The following ARHGAP24 variants were observed in gnomAD, a reference collection of about 807,000 sequenced individuals.
The protein encoded by ARHGAP24 is Rho GTPase activating protein 24, also known as rho GTPase-activating protein 24.
A neutral mutation model predicts 76.4 loss-of-function variants in ARHGAP24; 50 were observed. The ratio of observed to expected loss-of-function variants is 0.65; its 90% CI spans 0.52 to 0.83. The LOEUF (loss-of-function observed/expected upper bound fraction) is 0.83, where lower values mean the gene tolerates loss of function less well. ARHGAP24 is among the 40% of genes least tolerant of loss of function. The pLI, the probability that ARHGAP24 is intolerant of heterozygous loss-of-function variation, is 0.00. For synonymous variants in ARHGAP24, 345 were observed against 323.3 expected (o/e 1.07, Z -0.72); for missense variants, 930 against 914.2 (o/e 1.02, Z -0.22).
intron 2 of ARHGAP24, among the ~76,000 whole-genome samples, chr4:85,680,350 T>C (rs1723160693): frequency 6.6e-6 from 1 of 152,202 alleles, no homozygotes; most frequent in African/African-American, 2.4e-5. Context: ...ACCCAATGCA[T>C]AGTCAACCTT....
chr4:85,939,427 T>G (rs1362172128), intron 4 of ARHGAP24, among the ~76,000 whole-genome samples: 1 of 152,188 alleles, frequency 6.6e-6, no homozygotes, highest in Non-Finnish European at 1.5e-5. Context: ...GCTCTGTAAC[T>G]AACCTCAGAC....
chr4:85,771,009 T>C (rs1418970921), intron 3 of ARHGAP24, among the ~76,000 whole-genome samples: 1 of 152,238 alleles, frequency 6.6e-6, no homozygotes, highest in African/African-American at 2.4e-5. Context: ...TTTTAAATAA[T>C]CAAAATAGCT....
intron 1 of ARHGAP24, among the ~76,000 whole-genome samples, chr4:85,489,923 G>A (rs1271280028): frequency 2.6e-5 from 4 of 152,208 alleles, no homozygotes; most frequent in South Asian, 2.1e-4. Context: ...TTGATGTAAC[G>A]AAGATTTTCT....
Position 85,570,606 on chromosome 4 carries a change from AGTGTGGGT to A in ARHGAP24, c.67_74del (p.Cys23AlafsTer29). ...GGCCAAGGGCGGCAGAATGCCATCA[AGTGTGGGT>A]GGCTGAGGAAGCAAGGAGGCTTTGT... On this transcript the variant is annotated frameshift_variant, in exon 2 of 10. Coordinates refer to ENST00000395184, the MANE Select transcript of ARHGAP24 (RefSeq NM_001025616.3). LOFTEE classifies it high-confidence loss of function. 6.2e-7 allele frequency: 1 copy of A among 1,614,098 alleles called. No homozygotes were observed. Among genetic ancestry groups the A allele is most frequent in the Non-Finnish European group, 8.5e-7 (1 of 1,180,018 alleles).
chr4:85,909,995 G>A (rs924369328), intron 3 of ARHGAP24, among the ~76,000 whole-genome samples: 2 of 152,174 alleles, frequency 1.3e-5, no homozygotes, highest in Non-Finnish European at 2.9e-5. Context: ...CGCCTGCCAA[G>A]GGAGAGTCAG....
intron 2 of ARHGAP24, among the ~76,000 whole-genome samples, chr4:85,645,321 T>A (rs994203843): frequency 4.6e-5 from 7 of 152,142 alleles, no homozygotes; most frequent in African/African-American, 1.7e-4. Context: ...AACTTAATCA[T>A]GGTGGTTTGG....
intron 2 of ARHGAP24, among the ~76,000 whole-genome samples, chr4:85,631,337 A>T (rs1323107557): frequency 6.6e-6 from 1 of 152,142 alleles, no homozygotes; most frequent in African/African-American, 2.4e-5. Flanking sequence ...TAACATATTT[A>T]TCTCACTACC....
chr4:85,513,755 TTTC>T (rs1560515351), intron 1 of ARHGAP24, among the ~76,000 whole-genome samples: 1 of 152,076 alleles, frequency 6.6e-6, no homozygotes, highest in Non-Finnish European at 1.5e-5. Context: ...TGCAAAAAGT[TTTC>T]TTATCTTCTT....
chr4:85,518,664 A>G (rs1034961528), intron 1 of ARHGAP24, among the ~76,000 whole-genome samples: 19 of 152,072 alleles, frequency 1.2e-4, no homozygotes, highest in South Asian at 4.1e-4. Flanking sequence ...ATAGTCACCA[A>G]TCTCATCCAG....
intron 2 of ARHGAP24, among the ~76,000 whole-genome samples, chr4:85,579,450 A>G (rs951523116): frequency 1.3e-5 from 2 of 149,300 alleles, no homozygotes; most frequent in African/African-American, 4.9e-5. Flanking sequence ...TGCCCTTGAT[A>G]TATTAAATAT....
chr4:85,513,945 A>G (rs550732791), intron 1 of ARHGAP24, among the ~76,000 whole-genome samples: 9 of 152,210 alleles, frequency 5.9e-5, no homozygotes, highest in Non-Finnish European at 1.3e-4. Context: ...AGGGGTCCTA[A>G]TATGTGTATG....
chr4:85,828,038 G>T, intron 3 of ARHGAP24: 1 of 1,213,180 alleles, frequency 8.2e-7, no homozygotes, highest in Non-Finnish European at 1.1e-6. Flanking sequence ...TGTTGATTGT[G>T]TTTAATAATT....
intron 3 of ARHGAP24, among the ~76,000 whole-genome samples, chr4:85,774,714 A>G (rs1206803763): frequency 1.3e-5 from 2 of 152,218 alleles, no homozygotes; most frequent in Admixed American, 1.3e-4. Flanking sequence ...CTTAGGGCCC[A>G]GCTGGGGCTC....
intron 1 of ARHGAP24, among the ~76,000 whole-genome samples, chr4:85,562,104 A>C (rs1455231592): frequency 6.6e-6 from 1 of 152,344 alleles, no homozygotes; most frequent in South Asian, 2.1e-4. Context: ...ATAGGCCGTG[A>C]CAAAGAATTT....
At chr4:85,907,320 G>T (rs1346378505) in intron 3 of ARHGAP24, among the ~76,000 whole-genome samples, 2 of 152,106 alleles carry the variant, frequency 1.3e-5, no homozygotes, top group Non-Finnish European at 2.9e-5. Flanking sequence ...AATTTAAAAT[G>T]TTATATTTAT....
At chr4:85,746,325 T>G (rs1234930019) in intron 3 of ARHGAP24, among the ~76,000 whole-genome samples, 2 of 152,214 alleles carry the variant, frequency 1.3e-5, no homozygotes, top group Non-Finnish European at 2.9e-5. Flanking sequence ...TTCTTTTGAG[T>G]ATCTGACTGA....
chr4:85,817,745 G>C (rs1729304266), intron 3 of ARHGAP24, among the ~76,000 whole-genome samples: 2 of 152,168 alleles, frequency 1.3e-5, no homozygotes, highest in African/African-American at 4.8e-5. Context: ...GGTTGGTCTT[G>C]TATCCCAGAT....
intron 3 of ARHGAP24, among the ~76,000 whole-genome samples, chr4:85,915,362 T>A (rs1735323299): frequency 6.6e-6 from 1 of 152,204 alleles, no homozygotes; most frequent in South Asian, 2.1e-4. Flanking sequence ...TATACTTTTT[T>A]AAAAACATGA....
At chr4:85,612,798 T>A (rs1242432816) in intron 2 of ARHGAP24, among the ~76,000 whole-genome samples, 1 of 137,442 alleles carries the variant, frequency 7.3e-6, no homozygotes, top group African/African-American at 2.7e-5. Context: ...ATTCCTTTTT[T>A]TTTTTTTTTT....
Sources: gnomAD v4.1 joint callset for allele counts (sites outside exome capture counted in the v4.1 genomes callset) on GRCh38, gnomAD v4.1.1 for gene constraint, MANE v1.5 for transcripts, NCBI Gene and HGNC (gene_info 2026-07-23, HGNC 2026-07-21) for gene names.